PMVK: variants seen among roughly 807,000 people sequenced by gnomAD.
PMVK encodes testis tissue sperm-binding protein Li 95mP.
A neutral mutation model predicts 19.0 loss-of-function variants in PMVK; 10 were observed. The observed-to-expected ratio is 0.53, with a 90% confidence interval of 0.32 to 0.89. The LOEUF (loss-of-function observed/expected upper bound fraction) is 0.89, where lower values mean the gene tolerates loss of function less well. Ranked by LOEUF, PMVK falls within the 40% of genes least tolerant of loss-of-function variation. The probability of loss-of-function intolerance (pLI) is 0.03; values close to 1 mark genes in which losing one functional copy is unlikely to be tolerated. For synonymous variants in PMVK, 108 were observed against 101.6 expected (o/e 1.06, Z -0.38); for missense variants, 222 against 251.1 (o/e 0.88, Z 0.78).
At chr1:154,940,764 C>T (rs977093962), upstream of PMVK, among the ~76,000 whole-genome samples, 2 of 152,236 alleles carry the variant, frequency 1.3e-5, no homozygotes, top group Non-Finnish European at 2.9e-5. Context: ...GGGGGCCCCA[C>T]AGCATCTAGC....
At chr1:154,933,051 G>A (rs1654385452) in intron 1 of PMVK, among the ~76,000 whole-genome samples, 1 of 152,188 alleles carries the variant, frequency 6.6e-6, no homozygotes, top group African/African-American at 2.4e-5. Context: ...CCAGGCTACA[G>A]TGAGCCATGA....
chr1:154,936,508 C>T, intron 1 of PMVK, 83 bp downstream of exon 1: 1 of 1,533,898 alleles, frequency 6.5e-7, no homozygotes, highest in Non-Finnish European at 8.8e-7. Flanking sequence ...TACTCCAAAG[C>T]TCACTCCGTG....
intron 1 of PMVK, among the ~76,000 whole-genome samples, chr1:154,934,971 A>C (rs1420919660): frequency 6.7e-6 from 1 of 149,960 alleles, no homozygotes; most frequent in African/African-American, 2.5e-5. Flanking sequence ...CTGAGACAGG[A>C]AAATCGCTTG....
upstream of PMVK, among the ~76,000 whole-genome samples, chr1:154,938,416 C>A (rs142029469): frequency 7.9e-5 from 12 of 152,258 alleles, no homozygotes; most frequent in Admixed American, 7.2e-4. Context: ...ATGGTGAAAC[C>A]CCATCTCTAC....
chr1:154,931,720 T>C (rs1654339987), intron 2 of PMVK, among the ~76,000 whole-genome samples: 2 of 151,770 alleles, frequency 1.3e-5, no homozygotes, highest in East Asian at 3.8e-4. Flanking sequence ...TCTTCAGTTT[T>C]AGACAAATGT....
At chr1:154,942,336 G>A in the PMVK span, among the ~76,000 whole-genome samples, 2 of 152,248 alleles carry the variant, frequency 1.3e-5, no homozygotes, top group African/African-American at 4.8e-5. Flanking sequence ...GGGAAGGAGG[G>A]AATGCTGTCC....
At chr1:154,939,557 G>A (rs1460872322), upstream of PMVK, among the ~76,000 whole-genome samples, 2 of 151,590 alleles carry the variant, frequency 1.3e-5, no homozygotes, top group Non-Finnish European at 2.9e-5. Context: ...ACAGCCAAGC[G>A]TGGTGGCAGG....
At position 154,932,388 on chromosome 1, in the gene PMVK, G is replaced by C. The variant is rs1250090383; in HGVS notation, c.123C>G (p.Leu41=). The part of the protein sequence containing the change: ...SRLGADVCAV[L]RLSGPLKEQY... ...GTTCCTTGAGTGGACCAGAGAGCCG[G>C]AGGACAGCACAGACATCAGCTCCAA... Residue 41 remains leucine (L), a synonymous_variant, in exon 2 of 5, where the codon CTC becomes CTG. Coordinates refer to ENST00000368467, the MANE Select transcript of PMVK (RefSeq NM_006556.4). 3.1e-6 allele frequency: 5 copies of C among 1,613,426 alleles called. No homozygotes were observed. The highest frequency in any genetic ancestry group is 4.2e-6 in the Non-Finnish European group (5 of 1,179,554).
In PMVK at chr1:154,929,136, G is replaced by C. The variant is rs1466197149; in HGVS notation, c.200C>G (p.Thr67Ser). The C allele has an allele frequency of 6.2e-7, 1 of 1,613,940 alleles. No homozygotes were observed. Among genetic ancestry groups the C allele is most frequent in the African/African-American group, 1.3e-5 (1 of 74,908 alleles). ...GTCCTTCCGAAAGGCCTCCTTGTAG[G>C]TGCTGGTGTCCAGGAGTCTCTGGAA... The part of the protein sequence containing the change: ...LNFQRLLDTS[T>S]YKEAFRKDMI... Residue 67 changes from threonine to serine, a missense_variant, in exon 3 of 5, where the codon ACC becomes AGC. Physicochemically the swap from Thr to Ser is moderately conservative, Grantham distance 58. Transcript: ENST00000368467.
At chr1:154,937,690 G>A (rs1654554282), upstream of PMVK, 1 of 152,230 alleles carries the variant, frequency 6.6e-6, no homozygotes, top group Non-Finnish European at 1.5e-5. Flanking sequence ...TGTCAGAACA[G>A]AGCCTGCAAC....
chr1:154,926,672 T>C (rs1485455612), intron 3 of PMVK, among the ~76,000 whole-genome samples, 189 bp from the exon 4 acceptor site: 1 of 152,226 alleles, frequency 6.6e-6, no homozygotes, highest in Non-Finnish European at 1.5e-5. Context: ...GAGTGCTGAC[T>C]ACATGTCAGG....
intron 4 of PMVK, 90 bp downstream of exon 4, chr1:154,926,264 C>T (rs1298332423): frequency 8.0e-7 from 1 of 1,244,850 alleles, no homozygotes; most frequent in East Asian, 2.4e-5. Flanking sequence ...CTTTATCATC[C>T]CTTATTCACT....
chr1:154,942,292 C>A, the PMVK span, among the ~76,000 whole-genome samples: 1 of 152,246 alleles, frequency 6.6e-6, no homozygotes, highest in Non-Finnish European at 1.5e-5. Context: ...CTCCCCGAAG[C>A]CCTGCCCAGG....
chr1:154,932,704 C>T (rs915094595), intron 1 of PMVK, among the ~76,000 whole-genome samples: 1 of 152,226 alleles, frequency 6.6e-6, no homozygotes, highest in East Asian at 1.9e-4. Flanking sequence ...AACAGGCGCA[C>T]AATATTCTAG....
Position 154,925,277 on chromosome 1 carries a change from G to A in PMVK, c.443-12C>T. ...AGCATCGTCCACCCCTATGAAGGAA[G>A]CATGGTGAGGTCAGGCCTCAGCCCT... On this transcript the variant is annotated splice_polypyrimidine_tract_variant and intron_variant, in intron 4 of 4. Coordinates refer to ENST00000368467, the MANE Select transcript of PMVK (RefSeq NM_006556.4). The A allele has an allele frequency of 2.5e-6, 4 of 1,614,012 alleles. No homozygotes were observed. The highest frequency in any genetic ancestry group is 3.4e-6 in the Non-Finnish European group (4 of 1,179,884).
chr1:154,932,384 GC>G lies in PMVK; in HGVS notation c.126del (p.Leu43SerfsTer15), dbSNP rs1558031802. 8 of 1,613,316 alleles carry G rather than the reference GC, an allele frequency of 5.0e-6. No individual in the cohort carries two copies. Among genetic ancestry groups the G allele is most frequent in the African/African-American group, 1.3e-5 (1 of 74,968 alleles). On this transcript the variant is annotated frameshift_variant, in exon 2 of 5. Coordinates refer to ENST00000368467, the MANE Select transcript of PMVK (RefSeq NM_006556.4). LOFTEE classifies it high-confidence loss of function. ...RLGADVCAVL[R>X]LSGPLKEQYA... is the part of the protein sequence containing the mutation. ...TACTGTTCCTTGAGTGGACCAGAGA[GC>G]CGGAGGACAGCACAGACATCAGCTC...
chr1:154,926,291 G>T, intron 4 of PMVK, 63 bp downstream of exon 4: 1 of 1,530,900 alleles, frequency 6.5e-7, no homozygotes, highest in Non-Finnish European at 8.9e-7. Flanking sequence ...AGGCCTGCCC[G>T]GTAGACAAAC....
chr1:154,935,058 CAAAAAAAAA>C (rs569402578), intron 1 of PMVK, among the ~76,000 whole-genome samples: 5 of 22,262 alleles, frequency 2.2e-4, no homozygotes, highest in Non-Finnish European at 6.4e-4. Context: ...GACTCCGTCT[CAAAAAAAAA>C]AAAAAAAAAA....
At chr1:154,931,524 C>T (rs1654334430) in intron 2 of PMVK, among the ~76,000 whole-genome samples, 1 of 152,160 alleles carries the variant, frequency 6.6e-6, no homozygotes, top group Non-Finnish European at 1.5e-5. Flanking sequence ...CTCACCCTGT[C>T]CCCTCCCTGG....
Sources: gnomAD v4.1 joint callset for allele counts (sites outside exome capture counted in the v4.1 genomes callset) on GRCh38, gnomAD v4.1.1 for gene constraint, MANE v1.5 for transcripts, NCBI Gene and HGNC (gene_info 2026-07-23, HGNC 2026-07-21) for gene names.